The following IKZF2 variants were observed in gnomAD, a reference collection of about 807,000 sequenced individuals.
The protein encoded by IKZF2 is zinc finger protein Helios.
A neutral mutation model predicts 49.2 loss-of-function variants in IKZF2; 15 were observed. That is an observed-to-expected ratio of 0.30 (90% CI 0.20 to 0.47). The LOEUF (loss-of-function observed/expected upper bound fraction) is 0.47. IKZF2 is among the 20% of genes least tolerant of loss of function. The pLI is 1.00. For synonymous variants in IKZF2, 227 were observed against 221.4 expected, an observed-to-expected ratio of 1.03 and a Z score of -0.23; for missense variants, 567 against 664.6, an observed-to-expected ratio of 0.85 and a Z score of 1.61.
At chr2:213,142,780 T>C (rs2060918522) in intron 4 of IKZF2, among the ~76,000 whole-genome samples, 1 of 151,972 alleles carries the variant, frequency 6.6e-6, no homozygotes, top group Non-Finnish European at 1.5e-5. Flanking sequence ...AGTAATTACA[T>C]GCCTACCTCA....
intron 7 of IKZF2, among the ~76,000 whole-genome samples, chr2:213,017,977 C>T (rs756108021): frequency 3.9e-5 from 6 of 151,996 alleles, no homozygotes; most frequent in Non-Finnish European, 7.4e-5. Context: ...AAGCTTATTC[C>T]AAAGTTTGGG....
intron 4 of IKZF2, among the ~76,000 whole-genome samples, chr2:213,107,934 G>A (rs941538519): frequency 1.4e-4 from 22 of 151,918 alleles, no homozygotes; most frequent in African/African-American, 4.4e-4. Flanking sequence ...GCTACATCTC[G>A]AAAGCTATGA....
chr2:213,111,028 T>A (rs1331971325), intron 4 of IKZF2, among the ~76,000 whole-genome samples: 3 of 152,012 alleles, frequency 2.0e-5, no homozygotes, highest in Non-Finnish European at 1.5e-5. Context: ...ATTAACCGTT[T>A]AAGTCATCAT....
intron 4 of IKZF2, among the ~76,000 whole-genome samples, chr2:213,102,296 C>A (rs925415345): frequency 6.6e-6 from 1 of 152,074 alleles, no homozygotes; most frequent in African/African-American, 2.4e-5. Flanking sequence ...GTTTGCCCAA[C>A]TTTTATCCAG....
chr2:213,093,632 GGATAGAGC>G (rs1705609258), intron 4 of IKZF2, among the ~76,000 whole-genome samples: 2 of 152,092 alleles, frequency 1.3e-5, no homozygotes. Context: ...AGCTCTATAA[GGATAGAGC>G]CTTGTCTGTT....
At chr2:213,047,403 T>C (rs1700252918) in intron 6 of IKZF2, among the ~76,000 whole-genome samples, 1 of 152,090 alleles carries the variant, frequency 6.6e-6, no homozygotes, top group South Asian at 2.1e-4. Flanking sequence ...ATATTATATA[T>C]GGCCAACATC....
intron 7 of IKZF2, among the ~76,000 whole-genome samples, chr2:213,018,543 G>T (rs575947222): frequency 6.6e-6 from 1 of 151,996 alleles, no homozygotes; most frequent in East Asian, 1.9e-4. Context: ...CCCCAGGTAG[G>T]CATTTATCAT....
chr2:213,064,697 A>G (rs1331053347), intron 4 of IKZF2, among the ~76,000 whole-genome samples: 1 of 151,574 alleles, frequency 6.6e-6, no homozygotes, highest in Non-Finnish European at 1.5e-5. Context: ...GAATGATTTC[A>G]TTTGCCAAGT....
intron 4 of IKZF2, among the ~76,000 whole-genome samples, chr2:213,066,164 A>G (rs1702143217): frequency 6.6e-6 from 1 of 152,126 alleles, no homozygotes; most frequent in African/African-American, 2.4e-5. Context: ...AACTTCTGTA[A>G]GAAGTAAAAT....
At chr2:213,150,449 AC>A in intron 1 of IKZF2, 2 of 173,728 alleles carry the variant, frequency 1.2e-5, no homozygotes, top group South Asian at 5.9e-5. Flanking sequence ...AGAGAGAAGA[AC>A]ACCCCCCTCC....
chr2:213,040,915 C>G (rs1210354042), intron 6 of IKZF2, among the ~76,000 whole-genome samples: 2 of 152,002 alleles, frequency 1.3e-5, no homozygotes, highest in Non-Finnish European at 2.9e-5. Flanking sequence ...GTCAGGAGTT[C>G]AAGACCAGCC....
chr2:213,142,035 C>A (rs899919739), intron 4 of IKZF2, among the ~76,000 whole-genome samples: 2 of 151,914 alleles, frequency 1.3e-5, no homozygotes, highest in Non-Finnish European at 2.9e-5. Flanking sequence ...CCAGAAGCAT[C>A]AAATGAGGTT....
intron 4 of IKZF2, among the ~76,000 whole-genome samples, chr2:213,065,101 C>T (rs562259615): frequency 6.6e-6 from 1 of 152,174 alleles, no homozygotes; most frequent in East Asian, 1.9e-4. Context: ...TCCAGAAACA[C>T]ATTTATACAT....
intron 5 of IKZF2, among the ~76,000 whole-genome samples, chr2:213,055,048 A>G (rs1439714297): frequency 6.6e-6 from 1 of 152,136 alleles, no homozygotes; most frequent in Non-Finnish European, 1.5e-5. Context: ...TCAGAACATA[A>G]AAGATCAATT....
chr2:213,029,722 C>T (rs1223094143), intron 6 of IKZF2, among the ~76,000 whole-genome samples: 3 of 151,980 alleles, frequency 2.0e-5, no homozygotes, highest in Non-Finnish European at 4.4e-5. Flanking sequence ...TTATAATTTT[C>T]CCAAATGGAT....
At chr2:213,029,494 C>T (rs137960433) in intron 6 of IKZF2, among the ~76,000 whole-genome samples, 3 of 151,994 alleles carry the variant, frequency 2.0e-5, no homozygotes, top group Admixed American at 2.0e-4. Flanking sequence ...TAGTGATTTC[C>T]GGTTTTTATT....
intron 4 of IKZF2, among the ~76,000 whole-genome samples, chr2:213,128,276 G>A (rs561031691): frequency 2.0e-5 from 3 of 152,164 alleles, no homozygotes; most frequent in East Asian, 3.9e-4. Context: ...AACAGCAAAC[G>A]TGCCAAAAAA....
intron 5 of IKZF2, among the ~76,000 whole-genome samples, chr2:213,054,270 A>G (rs1700944932): frequency 6.6e-6 from 1 of 152,172 alleles, no homozygotes; most frequent in African/African-American, 2.4e-5. Context: ...TAGATATTCT[A>G]TGAACTAAAA....
intron 4 of IKZF2, among the ~76,000 whole-genome samples, chr2:213,113,688 ATC>A (rs2059785395): frequency 6.6e-6 from 1 of 151,968 alleles, no homozygotes; most frequent in Admixed American, 6.5e-5. Flanking sequence ...TTTTCCCCTT[ATC>A]TCTCTTTCTT....
Sources: gnomAD v4.1 joint callset for allele counts (sites outside exome capture counted in the v4.1 genomes callset) on GRCh38, gnomAD v4.1.1 for gene constraint, MANE v1.5 for transcripts, NCBI Gene and HGNC (gene_info 2026-07-23, HGNC 2026-07-21) for gene names.